PLEKHA4: variants seen among roughly 807,000 people sequenced by gnomAD.
PLEKHA4 encodes pleckstrin homology domain-containing family A member 4.
A neutral mutation model predicts 94.7 loss-of-function variants in PLEKHA4; 73 were observed. The ratio of observed to expected loss-of-function variants is 0.77; its 90% CI spans 0.64 to 0.94. The LOEUF (loss-of-function observed/expected upper bound fraction) is 0.94, where lower values mean the gene tolerates loss of function less well. Among genes scored for constraint, PLEKHA4 ranks in the 40% least tolerant of loss-of-function variants. PLEKHA4 has a pLI of 0.00. For missense variants in PLEKHA4, 1,049 were observed against 1,054.1 expected (o/e 1.00, Z 0.07); for synonymous variants, 449 against 437.1 (o/e 1.03, Z -0.34).
chr19:48,844,356 T>A, intron 16 of PLEKHA4: 9 of 574,618 alleles, frequency 1.6e-5, no homozygotes, highest in Non-Finnish European at 2.0e-5. Context: ...GTTTTCACCA[T>A]GTTGGTCAAT....
chr19:48,843,400 C>T (rs1007072888), intron 16 of PLEKHA4, among the ~76,000 whole-genome samples: 12 of 151,908 alleles, frequency 7.9e-5, no homozygotes, highest in African/African-American at 2.7e-4. Flanking sequence ...AGGCTGGTTT[C>T]GAACTCCTGA....
intron 7 of PLEKHA4, 116 bp downstream of exon 7, chr19:48,859,352 CG>C: frequency 3.5e-6 from 4 of 1,131,788 alleles, no homozygotes; most frequent in Admixed American, 4.9e-5. Flanking sequence ...GTGACCCCCA[CG>C]GGAGCCCCAG....
chr19:48,850,766 GA>G (rs1406403562), intron 13 of PLEKHA4, among the ~76,000 whole-genome samples: 1 of 151,424 alleles, frequency 6.6e-6, no homozygotes, highest in East Asian at 2.0e-4. Context: ...GCGGTGAACC[GA>G]GATTGCACCA....
At chr19:48,855,262 C>T (rs2036357876) in intron 9 of PLEKHA4, among the ~76,000 whole-genome samples, 1 of 151,964 alleles carries the variant, frequency 6.6e-6, no homozygotes, top group Non-Finnish European at 1.5e-5. Context: ...GAGTTAAAGA[C>T]CAGTCTGGGC....
At chr19:48,851,517 G>A (rs1182604641) in intron 13 of PLEKHA4, among the ~76,000 whole-genome samples, 1 of 152,112 alleles carries the variant, frequency 6.6e-6, no homozygotes. Context: ...TCAGGAGGCT[G>A]AGGTGGGTGA....
At position 48,862,196 on chromosome 19, in the gene PLEKHA4, TTC is replaced by T. The variant is rs928420761; in HGVS notation, c.193-506_193-505del. Among the ~76,000 whole-genome samples, 5 of 139,278 alleles carry T rather than the reference TTC, an allele frequency of 3.6e-5. No homozygotes were observed. In the South Asian group the frequency reaches 1.1e-3, roughly 31 times the overall value. The allele number at this position is 139,278 out of a possible 152,430, so 91.4% of individuals were successfully genotyped here. A position where few individuals can be genotyped will look rare whatever the true frequency, so the allele number is the denominator to read the frequency against. ...GAATAGTAGCCCTACTTCTTTTCTT[TTC>T]TCTCTCTTTTTTTTTTTTTTTTGAC... On this transcript the variant is annotated intron_variant, in intron 3 of 19. Coordinates refer to ENST00000263265, the MANE Select transcript of PLEKHA4 (RefSeq NM_020904.3).
At chr19:48,841,383 T>C (rs1446490123) in intron 16 of PLEKHA4, 73 bp from the exon 17 acceptor site, 1 of 1,463,958 alleles carries the variant, frequency 6.8e-7, no homozygotes, top group African/African-American at 1.4e-5. Flanking sequence ...CCCAGCACTT[T>C]TGGGAGGCTG....
chr19:48,844,751 G>T, intron 16 of PLEKHA4: 1 of 454,282 alleles, frequency 2.2e-6, no homozygotes. Context: ...AAGTCAACCA[G>T]TTTCTGAACT....
intron 13 of PLEKHA4, 62 bp from the exon 14 acceptor site, chr19:48,848,102 T>C (rs1486171678): frequency 1.3e-6 from 2 of 1,530,838 alleles, no homozygotes; most frequent in Non-Finnish European, 1.8e-6. Flanking sequence ...TTTCAGCTAA[T>C]AGGCCCCTGC....
rs1236895956 is a variant in PLEKHA4, at chr19:48,857,438, G to A, written c.1031C>T (p.Ala344Val). ...GATACCTACCAATAAAACCATGGAGGCCCGGGTCCCAGGGGGCCGCGGGGG... is the reference window on the plus strand; with the variant it reads ...GATACCTACCAATAAAACCATGGAGACCCGGGTCCCAGGGGGCCGCGGGGG... ...QLPPRPPGTRASMVLLPGPPL... is the reference protein window; with the variant it reads ...QLPPRPPGTRVSMVLLPGPPL... Residue 344 changes from alanine (A) to valine (V), a missense_variant, in exon 9 of 20, where the codon GCC (alanine) becomes GTC (valine). Ala to Val is a moderately conservative substitution (Grantham distance 64). Coordinates refer to ENST00000263265, the MANE Select transcript of PLEKHA4 (RefSeq NM_020904.3). 6.5e-7 allele frequency: 1 copy of A among 1,547,090 alleles called. No individual in the cohort carries two copies. The highest frequency in any genetic ancestry group is 8.7e-7 in the Non-Finnish European group (1 of 1,148,062).
chr19:48,844,067 T>C (rs934136323), intron 16 of PLEKHA4, among the ~76,000 whole-genome samples: 5 of 151,536 alleles, frequency 3.3e-5, no homozygotes, highest in Admixed American at 3.3e-4. Context: ...TCTCAAAGTG[T>C]TGGGATTACA....
rs370734549 is a variant in PLEKHA4, at chr19:48,858,925, A to T, written c.907T>A (p.Ser303Thr). The change falls in exon 8 of 20, where the codon TCT (serine) becomes ACT (threonine). Residue 303 changes from serine to threonine, a missense_variant. Ser to Thr is a moderately conservative substitution (Grantham distance 58, BLOSUM62 1). Transcript: ENST00000263265. Reference sequence around the variant, plus strand: ...GGGGGCTTTCCTCCCCCAGCCTCAGAGGGAGGTCCTCGGCGGGGAGTAGGG... The same window carrying T: ...GGGGGCTTTCCTCCCCCAGCCTCAGTGGGAGGTCCTCGGCGGGGAGTAGGG... ...RPPTPRRGPP[S>T]EAGGGKPPRS... is the part of the protein sequence containing the mutation. 7.3e-5 allele frequency: 117 copies of T among 1,601,984 alleles called. No homozygotes were observed. The African/African-American group carries it at 1.4e-3, about 19-fold the overall frequency.
At chr19:48,844,972 G>A (rs1467532271) in intron 16 of PLEKHA4, among the ~76,000 whole-genome samples, 2 of 151,890 alleles carry the variant, frequency 1.3e-5, no homozygotes, top group African/African-American at 4.8e-5. Flanking sequence ...CCACCACCAC[G>A]CCTGGCTAAT....
chr19:48,838,490 G>A (rs963862008), intron 18 of PLEKHA4, among the ~76,000 whole-genome samples: 43 of 148,346 alleles, frequency 2.9e-4, no homozygotes, highest in African/African-American at 1.0e-3. Flanking sequence ...CAGGCCAGGT[G>A]CGACAGCTTA....
At chr19:48,860,500 T>C (rs1249505713) in intron 5 of PLEKHA4, 41 bp from the exon 6 acceptor site, 1 of 1,515,630 alleles carries the variant, frequency 6.6e-7, no homozygotes, top group Non-Finnish European at 9.2e-7. Context: ...TCCCGGGCCT[T>C]GTAAAAAGGA....
Position 48,847,970 on chromosome 19 carries a change from T to A in PLEKHA4, c.1496A>T (p.Lys499Ile), listed in dbSNP as rs778492752. 1.2e-6 allele frequency: 2 copies of A among 1,613,114 alleles called. No homozygotes were observed. Among genetic ancestry groups the A allele is most frequent in the South Asian group, 2.2e-5 (2 of 91,000 alleles). Residue 499 changes from lysine (K) to isoleucine (I), a missense_variant, in exon 14 of 20, where the codon AAA (lysine) becomes ATA (isoleucine). Physicochemically the swap from Lys to Ile is moderately radical, Grantham distance 102 (BLOSUM62 -3). Transcript: ENST00000263265. ...DTLAGLGGPQKPPPHTEPDSP... is the reference protein window; with the variant it reads ...DTLAGLGGPQIPPPHTEPDSP... ...GTCAGGCTCAGTGTGTGGGGGCGGTTTCTGGGGGCCACCCAGACCTGCCAG... is the reference window on the plus strand; with the variant it reads ...GTCAGGCTCAGTGTGTGGGGGCGGTATCTGGGGGCCACCCAGACCTGCCAG...
At position 48,861,493 on chromosome 19, in the gene PLEKHA4, C is replaced by T. The variant is rs781033749; in HGVS notation, c.274G>A (p.Glu92Lys). The change falls in exon 5 of 20, where the codon GAG becomes AAG. Residue 92 changes from glutamate to lysine, a missense_variant. By Grantham distance (56) the Glu-to-Lys change is moderately conservative. Transcript: ENST00000263265. ...HCLFYYKDSREESVLGSVLLP... is the reference protein window; with the variant it reads ...HCLFYYKDSRKESVLGSVLLP... ...AGGACGCTGCCTAGGACACTCTCCT[C>T]GCGGCTGTCTGCAAAGAGGGGCTGG... 14 of 1,613,942 alleles carry T rather than the reference C, an allele frequency of 8.7e-6. No homozygotes were observed. In the African/African-American group the frequency reaches 1.1e-4, roughly 12 times the overall value.
chr19:48,848,981 C>T (rs1223724479), intron 13 of PLEKHA4, among the ~76,000 whole-genome samples: 1 of 152,050 alleles, frequency 6.6e-6, no homozygotes, highest in Non-Finnish European at 1.5e-5. Flanking sequence ...CTCACTGCAT[C>T]CTCGAACTCT....
chr19:48,845,651 A>G (rs957914203), intron 14 of PLEKHA4, 35 bp from the exon 15 acceptor site: 3 of 1,370,610 alleles, frequency 2.2e-6, no homozygotes, highest in Non-Finnish European at 3.0e-6. Flanking sequence ...AATGATGATC[A>G]TTATAATAAT....
Sources: allele counts gnomAD v4.1 joint callset (sites outside exome capture counted in the v4.1 genomes callset), GRCh38; gene constraint gnomAD v4.1.1; transcripts MANE v1.5; gene names NCBI Gene and HGNC (gene_info 2026-07-23, HGNC 2026-07-21).